Variants in RAP1GDS1 observed in about 807,000 individuals in gnomAD.
RAP1GDS1 encodes the protein Rap1 GTPase-GDP dissociation stimulator 1.
Under a neutral mutation model 71.1 loss-of-function variants are expected in RAP1GDS1, and 35 were observed. That is an observed-to-expected ratio of 0.49 (90% CI 0.38 to 0.65). The LOEUF is 0.65. Ranked by LOEUF, RAP1GDS1 falls within the 30% of genes least tolerant of loss-of-function variation. The pLI, the probability that RAP1GDS1 is intolerant of heterozygous loss-of-function variation, is 0.00. For missense variants in RAP1GDS1, 663 were observed against 706.1 expected (o/e 0.94, Z 0.69); for synonymous variants, 229 against 243.1 (o/e 0.94, Z 0.54).
intron 2 of RAP1GDS1, among the ~76,000 whole-genome samples, chr4:98,324,434 T>C (rs1732573890): frequency 3.3e-5 from 5 of 151,682 alleles, no homozygotes. Context: ...AAAGTTCATA[T>C]GGAACCAAGA....
intron 4 of RAP1GDS1, among the ~76,000 whole-genome samples, chr4:98,356,434 T>A (rs1035892799): frequency 1.3e-5 from 2 of 152,220 alleles, no homozygotes; most frequent in South Asian, 2.1e-4. Context: ...TATTTATAAT[T>A]CCTGGGGATA....
At chr4:98,431,187 A>C (rs897191361) in intron 12 of RAP1GDS1, among the ~76,000 whole-genome samples, 2 of 152,206 alleles carry the variant, frequency 1.3e-5, no homozygotes, top group African/African-American at 4.8e-5. Flanking sequence ...GTATTTAGTC[A>C]TTTGCTCATT....
intron 5 of RAP1GDS1, among the ~76,000 whole-genome samples, chr4:98,391,199 TC>T (rs956738871): frequency 1.3e-5 from 2 of 152,122 alleles, no homozygotes; most frequent in African/African-American, 4.8e-5. Context: ...CTTGTGGAAA[TC>T]CAAGGCATGT....
intron 1 of RAP1GDS1, among the ~76,000 whole-genome samples, chr4:98,290,677 T>A (rs1309322973): frequency 6.6e-6 from 1 of 152,118 alleles, no homozygotes; most frequent in African/African-American, 2.4e-5. Flanking sequence ...TAGCTGTTTG[T>A]CTTTAACAGA....
intron 2 of RAP1GDS1, among the ~76,000 whole-genome samples, chr4:98,317,899 T>C (rs1731189673): frequency 6.6e-6 from 1 of 150,756 alleles, no homozygotes; most frequent in Non-Finnish European, 1.5e-5. Context: ...CGGAGTGCAG[T>C]GGTGTGATCT....
intron 4 of RAP1GDS1, among the ~76,000 whole-genome samples, chr4:98,358,737 A>T (rs1190632300): frequency 6.6e-6 from 1 of 152,026 alleles, no homozygotes; most frequent in East Asian, 1.9e-4. Context: ...ACATGCCCAT[A>T]CACATACACT....
intron 12 of RAP1GDS1, among the ~76,000 whole-genome samples, chr4:98,433,683 A>G (rs1051268999): frequency 1.6e-4 from 24 of 152,264 alleles, no homozygotes; most frequent in Admixed American, 9.2e-4. Flanking sequence ...GGTAGCTTCT[A>G]AGCCTTCTGT....
At chr4:98,392,340 A>AGAGTT in intron 6 of RAP1GDS1, 1 of 272,194 alleles carries the variant, frequency 3.7e-6, no homozygotes, top group Non-Finnish European at 6.9e-6. Context: ...ATTATGTAAC[A>AGAGTT]GAGTTGAATA....
At chr4:98,333,340 T>C (rs1427742627) in intron 2 of RAP1GDS1, among the ~76,000 whole-genome samples, 1 of 152,016 alleles carries the variant, frequency 6.6e-6, no homozygotes, top group African/African-American at 2.4e-5. Context: ...CAATTTTTAG[T>C]GAAAACATAG....
At chr4:98,428,906 C>T (rs922467795) in intron 12 of RAP1GDS1, among the ~76,000 whole-genome samples, 1 of 152,168 alleles carries the variant, frequency 6.6e-6, no homozygotes, top group African/African-American at 2.4e-5. Flanking sequence ...TATAGCAGCA[C>T]AATTCACAAT....
intron 2 of RAP1GDS1, among the ~76,000 whole-genome samples, chr4:98,333,611 G>A (rs1336071909): frequency 6.6e-6 from 1 of 151,940 alleles, no homozygotes; most frequent in Non-Finnish European, 1.5e-5. Context: ...ACATAACAGT[G>A]GGAATTTAGA....
At chr4:98,275,397 C>T (rs913472241) in intron 1 of RAP1GDS1, among the ~76,000 whole-genome samples, 1 of 152,152 alleles carries the variant, frequency 6.6e-6, no homozygotes, top group Non-Finnish European at 1.5e-5. Flanking sequence ...AACCCCTCAA[C>T]TCTGCTATCA....
intron 4 of RAP1GDS1, among the ~76,000 whole-genome samples, chr4:98,365,360 A>G (rs1440607640): frequency 6.6e-6 from 1 of 152,142 alleles, no homozygotes; most frequent in African/African-American, 2.4e-5. Context: ...CACACCTGTA[A>G]TCCCAGCACT....
intron 5 of RAP1GDS1, among the ~76,000 whole-genome samples, chr4:98,386,761 T>C (rs1261677284): frequency 6.6e-6 from 1 of 152,060 alleles, no homozygotes; most frequent in Non-Finnish European, 1.5e-5. Flanking sequence ...TTCTCCACTT[T>C]ATAAACATTT....
At chr4:98,279,218 T>G (rs1724689574) in intron 1 of RAP1GDS1, among the ~76,000 whole-genome samples, 1 of 151,986 alleles carries the variant, frequency 6.6e-6, no homozygotes, top group Non-Finnish European at 1.5e-5. Context: ...AGCAAGACTC[T>G]GTCTTAAAAA....
intron 2 of RAP1GDS1, among the ~76,000 whole-genome samples, chr4:98,341,463 A>G (rs1158121668): frequency 4.6e-5 from 7 of 152,224 alleles, no homozygotes; most frequent in Non-Finnish European, 7.3e-5. Flanking sequence ...CAGTTAAATG[A>G]GACATGCATG....
chr4:98,396,235 G>GACAA (rs906215317), intron 6 of RAP1GDS1: 1 of 152,256 alleles, frequency 6.6e-6, no homozygotes. Flanking sequence ...ATTTGGAAGG[G>GACAA]ACAAACAGCC....
intron 4 of RAP1GDS1, among the ~76,000 whole-genome samples, chr4:98,373,943 C>T (rs532953141): frequency 9.9e-5 from 15 of 152,164 alleles, no homozygotes; most frequent in South Asian, 2.1e-4. Flanking sequence ...ATGAATACAC[C>T]GGGCAAAGAG....
intron 5 of RAP1GDS1, among the ~76,000 whole-genome samples, chr4:98,388,413 C>T (rs1013406737): frequency 6.6e-6 from 1 of 152,080 alleles, no homozygotes; most frequent in African/African-American, 2.4e-5. Context: ...TCCCACTCAC[C>T]TCCCAATCTC....
Sources: gnomAD v4.1 joint callset for allele counts (sites outside exome capture counted in the v4.1 genomes callset) on GRCh38, gnomAD v4.1.1 for gene constraint, MANE v1.5 for transcripts, NCBI Gene and HGNC (gene_info 2026-07-23, HGNC 2026-07-21) for gene names.